IGSF6: variants seen among roughly 807,000 people sequenced by gnomAD.
IGSF6 encodes down-regulated by activation (immunoglobulin superfamily).
In IGSF6, 23 loss-of-function variants were observed where a neutral mutation model predicts 24.7. The observed-to-expected ratio is 0.93, with a 90% CI of 0.67 to 1.32. The LOEUF (loss-of-function observed/expected upper bound fraction) is 1.32. Among genes scored for constraint, IGSF6 ranks in the 40% most tolerant of loss-of-function variants. The pLI is 0.00. For synonymous variants in IGSF6, 110 were observed against 113.7 expected, an observed-to-expected ratio of 0.97 and a Z score of 0.21; for missense variants, 295 against 293.6, an observed-to-expected ratio of 1.00 and a Z score of -0.04.
At chr16:21,647,565 T>C in intron 1 of IGSF6, 73 bp from the exon 2 acceptor site, 1 of 1,515,544 alleles carries the variant, frequency 6.6e-7, no homozygotes, top group Non-Finnish European at 8.9e-7. Context: ...ATTTTTGAGG[T>C]AGGAAACCCA....
At chr16:21,652,468 G>A (rs1385276981) in intron 1 of IGSF6, 64 bp downstream of exon 1, 3 of 1,250,176 alleles carry the variant, frequency 2.4e-6, no homozygotes, top group African/African-American at 3.0e-5. Flanking sequence ...AAATATAAAT[G>A]CATTAGGTGA....
Position 21,647,310 on chromosome 16 carries a change from T to G in IGSF6, c.250A>C (p.Lys84Gln). ...QPENLCLDGCKSEADKFTVRE... is the reference protein window; with the variant it reads ...QPENLCLDGCQSEADKFTVRE... ...ACTGTGAACTTGTCTGCCTCACTTTTGCACCCGTCCAAGCACAGGTTCTCA... is the reference window on the plus strand; with the variant it reads ...ACTGTGAACTTGTCTGCCTCACTTTGGCACCCGTCCAAGCACAGGTTCTCA... The change falls in exon 2 of 6, where the codon AAA (lysine) becomes CAA (glutamine). Residue 84 changes from lysine to glutamine, a missense_variant. Transcript: ENST00000268389. 1 of 1,614,210 alleles carries G rather than the reference T, an allele frequency of 6.2e-7. No homozygotes were observed. The highest frequency in any genetic ancestry group is 8.5e-7 in the Non-Finnish European group (1 of 1,180,042).
At position 21,647,317 on chromosome 16, in the gene IGSF6, G is replaced by T; in HGVS notation, c.243C>A (p.Asp81Glu). 1 of 1,614,148 alleles carries T rather than the reference G, an allele frequency of 6.2e-7. No homozygotes were observed. The highest frequency in any genetic ancestry group is 1.3e-5 in the African/African-American group (1 of 75,016). Residue 81 changes from aspartate to glutamate, a missense_variant, in exon 2 of 6, where the codon GAC (aspartate) becomes GAA (glutamate). Asp to Glu is a conservative substitution (Grantham distance 45, BLOSUM62 2). Transcript: ENST00000268389. The part of the protein sequence containing the change: ...GAHQPENLCL[D>E]GCKSEADKFT... Reference sequence around the variant, plus strand: ...ACTTGTCTGCCTCACTTTTGCACCCGTCCAAGCACAGGTTCTCAGGCTGGT... The same window carrying T: ...ACTTGTCTGCCTCACTTTTGCACCCTTCCAAGCACAGGTTCTCAGGCTGGT...
intron 2 of IGSF6, 172 bp downstream of exon 2, chr16:21,646,961 G>A (rs926465325): frequency 2.4e-6 from 2 of 829,302 alleles, no homozygotes; most frequent in Non-Finnish European, 4.0e-6. Flanking sequence ...GCCAGTTGGA[G>A]TAGTTCTTTA....
Position 21,644,325 on chromosome 16 carries a change from T to G in IGSF6, c.499A>C (p.Thr167Pro). Residue 167 changes from threonine to proline, a missense_variant, in exon 3 of 6, where the codon ACC becomes CCC. By Grantham distance (38) the Thr-to-Pro change is conservative. Coordinates refer to ENST00000268389, the MANE Select transcript of IGSF6 (RefSeq NM_005849.4). Reference protein sequence around the residue: ...ALVSLLSVYVTGVCVAFILLS... With the variant: ...ALVSLLSVYVPGVCVAFILLS... The stretch of plus-strand genomic sequence containing the variant: ...AGTATGAAGGCCACGCACACACCGG[T>G]CACATAGACAGAGAGCAGTGATACA... 6.2e-7 allele frequency: 1 copy of G among 1,613,906 alleles called. No individual in the cohort carries two copies. The highest frequency in any genetic ancestry group is 8.5e-7 in the Non-Finnish European group (1 of 1,179,822).
chr16:21,640,538 G>A lies in IGSF6; in HGVS notation c.*996C>T, dbSNP rs1173051227. The A allele has an allele frequency of 6.8e-6, 1 of 147,096 alleles. No homozygotes were observed. The highest frequency in any genetic ancestry group is 1.5e-5 in the Non-Finnish European group (1 of 67,210). 9.1% of individuals were successfully genotyped at this position (147,096 alleles called of 1,614,324 possible). On this transcript the variant is annotated 3_prime_UTR_variant, in exon 6 of 6. Coordinates refer to ENST00000268389, the MANE Select transcript of IGSF6 (RefSeq NM_005849.4). ...GGCCATTTCAGGCAGATCATCTGAG[G>A]TCTTGAGTTTGAGACCAGCCTGGCC...
chr16:21,647,185 C>T lies in IGSF6; in HGVS notation c.375G>A (p.Val125=). The T allele has an allele frequency of 1.9e-6, 3 of 1,614,180 alleles. No individual in the cohort carries two copies. Among genetic ancestry groups the T allele is most frequent in the East Asian group, 4.5e-5 (2 of 44,886 alleles). The part of the protein sequence containing the change: ...IYICGIAFPS[V]PEARAKQTGG... ...CTGTCTGTTTAGCTCTCGCTTCCGG[C>T]ACACTGGGGAATGCTATTCCACAGA... Residue 125 remains valine, a synonymous_variant, in exon 2 of 6, where the codon GTG becomes GTA. Coordinates refer to ENST00000268389, the MANE Select transcript of IGSF6 (RefSeq NM_005849.4).
Position 21,652,532 on chromosome 16 carries a change from C to T in IGSF6, c.67G>A (p.Gly23Ser), listed in dbSNP as rs143387566. ...AGGAGGAGAAGAAAAAGAACCTTAC[C>T]GACACAAAATAGAATGAGATTGGTT... ...LQTNLILFCV[G>S]AVGACTLSVT... is the part of the protein sequence containing the mutation. Residue 23 changes from glycine to serine, a missense_variant and splice_region_variant, in exon 1 of 6, where the codon GGT becomes AGT. By Grantham distance (56) the Gly-to-Ser change is moderately conservative. Transcript: ENST00000268389. The T allele has an allele frequency of 1.2e-5, 20 of 1,605,174 alleles. No homozygotes were observed. The highest frequency in any genetic ancestry group is 9.4e-5 in the African/African-American group (7 of 74,630).
At chr16:21,641,659 G>A in intron 5 of IGSF6, 66 bp from the exon 6 acceptor site, 6 of 992,442 alleles carry the variant, frequency 6.0e-6, no homozygotes, top group Non-Finnish European at 9.3e-6. Context: ...AACTGCCAAG[G>A]AACATGCAAA....
In IGSF6 at chr16:21,643,613, A is replaced by T; in HGVS notation, c.535-15T>A. 6.3e-7 allele frequency: 1 copy of T among 1,584,132 alleles called. No homozygotes were observed. Among genetic ancestry groups the T allele is most frequent in the Non-Finnish European group, 8.6e-7 (1 of 1,157,086 alleles). ...TTGGATTTTGACTGCCAAGAAGAGA[A>T]GGAAAGTCTATGAAACATTTTATGT... is the stretch of plus-strand genomic sequence containing the variant. On this transcript the variant is annotated splice_polypyrimidine_tract_variant and intron_variant, in intron 3 of 5. Transcript: ENST00000268389.
intron 3 of IGSF6, 82 bp from the exon 4 acceptor site, chr16:21,643,680 T>G: frequency 3.6e-6 from 3 of 841,004 alleles, no homozygotes; most frequent in Non-Finnish European, 5.8e-6. Flanking sequence ...CCTAATAAGA[T>G]TAAACTAACT....
intron 1 of IGSF6, among the ~76,000 whole-genome samples, chr16:21,649,736 A>G (rs1227445857): frequency 1.3e-5 from 2 of 152,152 alleles, no homozygotes; most frequent in Non-Finnish European, 2.9e-5. Flanking sequence ...ATAGGGTCCC[A>G]CTGTGTCGCC....
rs971833807 is a variant in IGSF6 at position 21,643,544 on chromosome 16, G to A, written c.585+4C>T. ...AAAAATATTTTTCAAGTGTTGGTCT[G>A]TACCTTTTGTGAGTCTTCTTTTATT... On this transcript the variant is annotated splice_donor_region_variant and intron_variant, in intron 4 of 5. Transcript: ENST00000268389. 2.1e-5 allele frequency: 34 copies of A among 1,586,348 alleles called. No individual in the cohort carries two copies. Among genetic ancestry groups the A allele is most frequent in the Non-Finnish European group, 2.9e-5 (34 of 1,157,154 alleles).
At chr16:21,652,367 T>TA (rs1445852427) in intron 1 of IGSF6, 165 bp downstream of exon 1, 3 of 492,624 alleles carry the variant, frequency 6.1e-6, no homozygotes, top group Non-Finnish European at 1.1e-5. Context: ...GCTATTTTTT[T>TA]ATTGTCTATT....
At chr16:21,647,088 G>A (rs1292123761) in intron 2 of IGSF6, 45 bp downstream of exon 2, 1 of 1,613,258 alleles carries the variant, frequency 6.2e-7, no homozygotes, top group Non-Finnish European at 8.5e-7. Flanking sequence ...TTACAGGCCT[G>A]AACAAGATGC....
At position 21,640,668 on chromosome 16, in the gene IGSF6, G is replaced by A. The variant is rs1966235078; in HGVS notation, c.*866C>T. ...TGTAATCCCAGCTACTTGGGAAACT[G>A]AGGCAGAAGAATGGCATGAACCCGG... On this transcript the variant is annotated 3_prime_UTR_variant, in exon 6 of 6. Coordinates refer to ENST00000268389, the MANE Select transcript of IGSF6 (RefSeq NM_005849.4). The A allele has an allele frequency of 6.7e-6, 1 of 149,758 alleles. No individual in the cohort carries two copies. The highest frequency in any genetic ancestry group is 2.1e-4 in the South Asian group (1 of 4,770). The allele number at this position is 149,758 out of a possible 1,614,324, so 9.3% of individuals were successfully genotyped here. A position where few individuals can be genotyped will look rare whatever the true frequency, so the allele number is the denominator to read the frequency against.
At chr16:21,647,594 T>C in intron 1 of IGSF6, 102 bp from the exon 2 acceptor site, 1 of 1,398,000 alleles carries the variant, frequency 7.2e-7, no homozygotes, top group Non-Finnish European at 9.6e-7. Flanking sequence ...GTTATTTTTC[T>C]TACCTTAATC....
At chr16:21,649,849 T>C (rs1211507242) in intron 1 of IGSF6, among the ~76,000 whole-genome samples, 1 of 152,082 alleles carries the variant, frequency 6.6e-6, no homozygotes, top group Non-Finnish European at 1.5e-5. Context: ...GCTGAGACTA[T>C]AGGTGTGCAC....
chr16:21,652,552 T>C lies in IGSF6; in HGVS notation c.47A>G (p.Asn16Ser), dbSNP rs757339391. The C allele has an allele frequency of 6.2e-7, 1 of 1,611,464 alleles. No individual in the cohort carries two copies. Among genetic ancestry groups the C allele is most frequent in the Admixed American group, 1.7e-5 (1 of 59,602 alleles). ...RSNIARHLQT[N>S]LILFCVGAVG... is the part of the protein sequence containing the mutation. ...CTTACCGACACAAAATAGAATGAGA[T>C]TGGTTTGCAGATGGCGAGCGATGTT... The change falls in exon 1 of 6, where the codon AAT becomes AGT. Residue 16 changes from asparagine (N) to serine (S), a missense_variant. Transcript: ENST00000268389.
Sources: gnomAD v4.1 joint callset for allele counts (sites outside exome capture counted in the v4.1 genomes callset) on GRCh38, gnomAD v4.1.1 for gene constraint, MANE v1.5 for transcripts, NCBI Gene and HGNC (gene_info 2026-07-23, HGNC 2026-07-21) for gene names.